Variants in UNC93A observed in about 807,000 individuals in gnomAD.
UNC93A encodes unc-93 homolog A, also known as N-acetylglucosamine transporter UNC93A.
A neutral mutation model predicts 47.5 loss-of-function variants in UNC93A; 43 were observed. That is an observed-to-expected ratio of 0.91 (90% CI 0.71 to 1.17). The LOEUF (loss-of-function observed/expected upper bound fraction) is 1.17, where lower values mean the gene tolerates loss of function less well. Among genes scored for constraint, UNC93A ranks in the 50% most tolerant of loss-of-function variants. The probability of loss-of-function intolerance (pLI) is 0.00; values close to 1 mark genes in which losing one functional copy is unlikely to be tolerated. For synonymous variants in UNC93A, 280 were observed against 258.0 expected, an observed-to-expected ratio of 1.09 and a Z score of -0.82; for missense variants, 605 against 577.6, an observed-to-expected ratio of 1.05 and a Z score of -0.49.
Position 167,294,963 on chromosome 6 carries a change from C to T in UNC93A, c.269+265C>T, listed in dbSNP as rs986310272. Among the ~76,000 whole-genome samples the T allele has an allele frequency of 3.2e-4, 48 of 152,274 alleles. 1 individual carries two copies. Among genetic ancestry groups the T allele is most frequent in the African/African-American group, 1.0e-3 (42 of 41,524 alleles). ...CCGATGCTGGCCTCTCCCTGGGATC[C>T]GTCCTGGTCCTCAGCTCCCCTGGCT... On this transcript the variant is annotated intron_variant, in intron 2 of 7. Coordinates refer to ENST00000230256, the MANE Select transcript of UNC93A (RefSeq NM_018974.4).
At chr6:167,281,706 A>T (rs1159513816) in intron 1 of UNC93A, among the ~76,000 whole-genome samples, 1 of 152,156 alleles carries the variant, frequency 6.6e-6, no homozygotes, top group Admixed American at 6.5e-5. Flanking sequence ...TTTTGGCCTC[A>T]TGGAGTTGGG....
chr6:167,294,878 C>A (rs1466656189), intron 2 of UNC93A, among the ~76,000 whole-genome samples, 180 bp downstream of exon 2: 1 of 152,096 alleles, frequency 6.6e-6, no homozygotes, highest in Non-Finnish European at 1.5e-5. Flanking sequence ...GGCTTCCTTC[C>A]TGTTTTCCCA....
At chr6:167,309,696 C>T (rs2077081) in intron 7 of UNC93A, among the ~76,000 whole-genome samples, 32,788 of 152,176 alleles carry the variant, frequency 0.22, 3,550 homozygotes, top group South Asian at 0.32. Context: ...GACCTCAGAT[C>T]GCGGACAGAA....
chr6:167,269,446 G>A (rs555509752), upstream of UNC93A, among the ~76,000 whole-genome samples: 3 of 152,198 alleles, frequency 2.0e-5, no homozygotes, highest in South Asian at 4.2e-4. Context: ...ATTTGAAATT[G>A]GCATTGCACA....
chr6:167,315,398 C>A lies in UNC93A; in HGVS notation c.1320C>A (p.His440Gln). Residue 440 changes from histidine (H) to glutamine (Q), a missense_variant, in exon 8 of 8, where the codon CAC (histidine) becomes CAA (glutamine). By Grantham distance (24) the His-to-Gln change is conservative (BLOSUM62 0). Coordinates refer to ENST00000230256, the MANE Select transcript of UNC93A (RefSeq NM_018974.4). ...AGTCCAAGAACCCGATCAGACCCCA[C>A]GCTCCAGGACAGGTCAACCAGGCAG... ...CVESKNPIRP[H>Q]APGQVNQAED... 6.2e-7 allele frequency: 1 copy of A among 1,613,906 alleles called. No individual in the cohort carries two copies. Among genetic ancestry groups the A allele is most frequent in the Non-Finnish European group, 8.5e-7 (1 of 1,179,862 alleles).
At chr6:167,287,975 C>G (rs1489931783), upstream of UNC93A, among the ~76,000 whole-genome samples, 1 of 152,156 alleles carries the variant, frequency 6.6e-6, no homozygotes, top group Non-Finnish European at 1.5e-5. Context: ...GTTCAGGGAC[C>G]CTGCAGGCCC....
chr6:167,315,385 C>G lies in UNC93A; in HGVS notation c.1307C>G (p.Pro436Arg). 6.2e-7 allele frequency: 1 copy of G among 1,613,872 alleles called. No individual in the cohort carries two copies. Among genetic ancestry groups the G allele is most frequent in the East Asian group, 2.2e-5 (1 of 44,866 alleles). Residue 436 changes from proline (P) to arginine (R), a missense_variant, in exon 8 of 8, where the codon CCG (proline) becomes CGG (arginine). By Grantham distance (103) the Pro-to-Arg change is moderately radical. Transcript: ENST00000230256. ...GLVECVESKNPIRPHAPGQVN... is the reference protein window; with the variant it reads ...GLVECVESKNRIRPHAPGQVN... Reference sequence around the variant, plus strand: ...GTGGAGTGCGTGGAGTCCAAGAACCCGATCAGACCCCACGCTCCAGGACAG... The same window carrying G: ...GTGGAGTGCGTGGAGTCCAAGAACCGGATCAGACCCCACGCTCCAGGACAG...
At chr6:167,308,676 G>T (rs1239934706) in intron 7 of UNC93A, among the ~76,000 whole-genome samples, 2 of 152,102 alleles carry the variant, frequency 1.3e-5, no homozygotes, top group Middle Eastern at 3.4e-3. Context: ...GGAGTGGCAA[G>T]TCGGGTCCCC....
rs145471860 is a variant in UNC93A at position 167,272,166 on chromosome 6, C to T, written c.-52+708C>T. ...AATGATCCTTATGCCAAAGTGGTGTCTTTGGGGGTGGCTGACTCTGCTGCT... is the reference window on the plus strand; with the variant it reads ...AATGATCCTTATGCCAAAGTGGTGTTTTTGGGGGTGGCTGACTCTGCTGCT... On this transcript the variant is annotated intron_variant, in intron 1 of 3. Coordinates refer to the UNC93A transcript ENST00000503433. 4.4e-3 allele frequency among the ~76,000 whole-genome samples: 666 copies of T among 152,316 alleles called. 8 individuals are homozygous for T. Among genetic ancestry groups the T allele is most frequent in the African/African-American group, 0.016 (646 of 41,550 alleles).
chr6:167,269,950 G>A (rs1468715361), upstream of UNC93A, among the ~76,000 whole-genome samples: 1 of 151,230 alleles, frequency 6.6e-6, no homozygotes, highest in Admixed American at 6.6e-5. Context: ...TGTACAGGGG[G>A]TCCTGCATTT....
chr6:167,279,068 G>C (rs1047660071), intron 1 of UNC93A, among the ~76,000 whole-genome samples: 1 of 152,232 alleles, frequency 6.6e-6, no homozygotes, highest in Non-Finnish European at 1.5e-5. Flanking sequence ...ATTAAAAGAA[G>C]TTAAAAATAG....
chr6:167,291,544 T>C lies in UNC93A; in HGVS notation c.55T>C (p.Phe19Leu), dbSNP rs1288547873. 1.9e-6 allele frequency: 3 copies of C among 1,613,796 alleles called. No homozygotes were observed. Among genetic ancestry groups the C allele is most frequent in the Non-Finnish European group, 1.7e-6 (2 of 1,179,878 alleles). ...LVVSFGFLLL[F>L]TAYGGLQSLQ... ...GGTTTCCTTTGGGTTCCTGCTTCTC[T>C]TTACAGCCTATGGAGGTCTGCAGAG... is the stretch of plus-strand genomic sequence containing the variant. Residue 19 changes from phenylalanine (F) to leucine (L), a missense_variant, in exon 1 of 8, where the codon TTT becomes CTT. Physicochemically the swap from Phe to Leu is conservative, Grantham distance 22 (BLOSUM62 0). Transcript: ENST00000230256.
rs147874299 is a variant in UNC93A at position 167,304,115 on chromosome 6, C to T, written c.822C>T (p.Leu274=). 7 of 1,614,090 alleles carry T rather than the reference C, an allele frequency of 4.3e-6. No individual in the cohort carries two copies. Among genetic ancestry groups the T allele is most frequent in the Non-Finnish European group, 5.1e-6 (6 of 1,180,060 alleles). ...ACAGTGGATTGCAGCAAGGATTCCT[C>T]TCCAGCGAATACACAAGGGTATGAA... ...PLYSGLQQGF[L]SSEYTRSYVT... is the part of the protein sequence containing the mutation. The change falls in exon 5 of 8, where the codon CTC becomes CTT. Residue 274 remains leucine (L), a synonymous_variant. Coordinates refer to ENST00000230256, the MANE Select transcript of UNC93A (RefSeq NM_018974.4).
In UNC93A at chr6:167,294,695, G is replaced by T; in HGVS notation, c.266G>T (p.Ser89Ile). The T allele has an allele frequency of 6.3e-7, 1 of 1,590,236 alleles. No homozygotes were observed. The highest frequency in any genetic ancestry group is 8.6e-7 in the Non-Finnish European group (1 of 1,164,464). Reference sequence around the variant, plus strand: ...TTCTCCGTGGGCAACTTCTTCGCCAGCTGGTACGCAGCCACCACCCCCTGC... The same window carrying T: ...TTCTCCGTGGGCAACTTCTTCGCCATCTGGTACGCAGCCACCACCCCCTGC... ...VAFSVGNFFA[S>I]WYTLIPTSIL... The change falls in exon 2 of 8, where the codon AGC (serine) becomes ATC (isoleucine). Residue 89 changes from serine to isoleucine, a missense_variant. Coordinates refer to ENST00000230256, the MANE Select transcript of UNC93A (RefSeq NM_018974.4).
At chr6:167,284,439 T>A (rs1401717743) in intron 1 of UNC93A, among the ~76,000 whole-genome samples, 1 of 152,180 alleles carries the variant, frequency 6.6e-6, no homozygotes, top group East Asian at 1.9e-4. Flanking sequence ...GGTAAAGGGG[T>A]TTAAAAACAA....
chr6:167,288,449 T>TACACACACACACACAC (rs10586281), upstream of UNC93A, among the ~76,000 whole-genome samples: 6 of 134,734 alleles, frequency 4.5e-5, no homozygotes, highest in Admixed American at 2.9e-4. Flanking sequence ...TGTTCTTCCT[T>TACACACACACACACAC]ACACACACAC....
At chr6:167,293,976 C>T (rs1228994102) in intron 1 of UNC93A, among the ~76,000 whole-genome samples, 4 of 152,198 alleles carry the variant, frequency 2.6e-5, no homozygotes, top group Admixed American at 1.3e-4. Flanking sequence ...TTCCAGGATA[C>T]GAGGGCCACG....
intron 1 of UNC93A, among the ~76,000 whole-genome samples, chr6:167,279,481 A>T (rs963208743): frequency 6.6e-6 from 1 of 152,200 alleles, no homozygotes; most frequent in African/African-American, 2.4e-5. Flanking sequence ...CTGCATTTTA[A>T]TATCTTGGTG....
chr6:167,288,004 T>A (rs893136135), upstream of UNC93A, among the ~76,000 whole-genome samples: 3 of 152,056 alleles, frequency 2.0e-5, no homozygotes, highest in East Asian at 5.8e-4. Flanking sequence ...CTTGGCTGGG[T>A]GGTCAGGCCA....
Sources: allele counts gnomAD v4.1 joint callset (sites outside exome capture counted in the v4.1 genomes callset), GRCh38; gene constraint gnomAD v4.1.1; transcripts MANE v1.5; gene names NCBI Gene and HGNC (gene_info 2026-07-23, HGNC 2026-07-21).